The following ZNF521 variants were observed in gnomAD, a reference collection of about 807,000 sequenced individuals.
ZNF521 encodes zinc finger protein 521.
ZNF521 carries 14 observed loss-of-function variants against 105.5 expected under a neutral mutation model. The ratio of observed to expected loss-of-function variants is 0.13; its 90% CI spans 0.09 to 0.21. The LOEUF (loss-of-function observed/expected upper bound fraction) is 0.21, where lower values mean the gene tolerates loss of function less well. Ranked by LOEUF, ZNF521 falls within the 10% of genes least tolerant of loss-of-function variation. The pLI, the probability that ZNF521 is intolerant of heterozygous loss-of-function variation, is 1.00. For missense variants in ZNF521, 1,233 were observed against 1,629.7 expected (o/e 0.76, Z 4.19); for synonymous variants, 635 against 606.0 (o/e 1.05, Z -0.70).
At chr18:25,309,280 A>G (rs1912163460) in intron 3 of ZNF521, among the ~76,000 whole-genome samples, 1 of 152,248 alleles carries the variant, frequency 6.6e-6, no homozygotes, top group Middle Eastern at 3.2e-3. Flanking sequence ...TGCAGGCCAC[A>G]GAAGGTGATG....
chr18:25,101,541 A>G (rs1305318688), intron 5 of ZNF521, among the ~76,000 whole-genome samples: 1 of 152,214 alleles, frequency 6.6e-6, no homozygotes, highest in Non-Finnish European at 1.5e-5. Flanking sequence ...GAATCTTACT[A>G]TAAATAAATT....
chr18:25,229,746 C>A (rs1211548444), intron 3 of ZNF521, among the ~76,000 whole-genome samples: 1 of 152,028 alleles, frequency 6.6e-6, no homozygotes, highest in African/African-American at 2.4e-5. Flanking sequence ...GGCTTAAATC[C>A]TGCTATTTCA....
chr18:25,284,268 C>T (rs1341252546), intron 3 of ZNF521, among the ~76,000 whole-genome samples: 1 of 152,166 alleles, frequency 6.6e-6, no homozygotes, highest in African/African-American at 2.4e-5. Flanking sequence ...GACACTCCCA[C>T]CCTTGCCCTC....
At chr18:25,350,824 TCGCAGCCA>T (rs1914716507) in intron 2 of ZNF521, 75 bp downstream of exon 2, 1 of 1,478,246 alleles carries the variant, frequency 6.8e-7, no homozygotes, top group Non-Finnish European at 9.1e-7. Context: ...CGCACACGCC[TCGCAGCCA>T]CGCAGCCCTC....
chr18:25,340,831 C>T (rs1914158934), intron 2 of ZNF521, among the ~76,000 whole-genome samples: 1 of 152,108 alleles, frequency 6.6e-6, no homozygotes, highest in African/African-American at 2.4e-5. Flanking sequence ...TCTGCCAGCC[C>T]ATCACACTCA....
intron 2 of ZNF521, among the ~76,000 whole-genome samples, chr18:25,341,692 A>AT (rs1325425587): frequency 6.6e-6 from 1 of 152,196 alleles, no homozygotes; most frequent in Non-Finnish European, 1.5e-5. Flanking sequence ...TTTGAGACTC[A>AT]TTTTGTCTAA....
chr18:25,316,847 C>CTTT (rs200212987), intron 3 of ZNF521, among the ~76,000 whole-genome samples: 15 of 127,024 alleles, frequency 1.2e-4, no homozygotes, highest in African/African-American at 2.6e-4. Context: ...GCAAGTAAGA[C>CTTT]TTTTTTTTTT....
rs1912962987 is a variant in ZNF521 at position 25,322,114 on chromosome 18, C to T, written c.114G>A (p.Gly38=). The change falls in exon 3 of 8, where the codon GGG becomes GGA. Residue 38 remains glycine, a synonymous_variant. Coordinates refer to ENST00000361524, the MANE Select transcript of ZNF521 (RefSeq NM_015461.3). ...ALDCKKRPED[G]EELEDEAVHS... ...GCACAGCTTCGTCTTCCAACTCCTC[C>T]CCGTCTTCCGGCCTCTTCTTACAAT... 1 of 1,614,200 alleles carries T rather than the reference C, an allele frequency of 6.2e-7. No individual in the cohort carries two copies. Among genetic ancestry groups the T allele is most frequent in the Admixed American group, 1.7e-5 (1 of 60,022 alleles).
chr18:25,177,996 G>C (rs1267696903), intron 5 of ZNF521, among the ~76,000 whole-genome samples: 1 of 152,118 alleles, frequency 6.6e-6, no homozygotes, highest in African/African-American at 2.4e-5. Context: ...TAACATAAAA[G>C]AGTGTTCTTC....
chr18:25,327,340 C>T, intron 2 of ZNF521: 1 of 780,698 alleles, frequency 1.3e-6, no homozygotes, highest in Non-Finnish European at 1.6e-6. Flanking sequence ...AGGTTAACAA[C>T]CATCTTGTAC....
At chr18:25,296,932 G>T (rs1911348720) in intron 3 of ZNF521, among the ~76,000 whole-genome samples, 2 of 151,994 alleles carry the variant, frequency 1.3e-5, no homozygotes, top group South Asian at 4.2e-4. Flanking sequence ...TACATAGCTG[G>T]TACTCAATAA....
chr18:25,195,066 G>T (rs1336260281), intron 5 of ZNF521, 94 bp downstream of exon 5: 2 of 1,004,848 alleles, frequency 2.0e-6, no homozygotes, highest in Non-Finnish European at 2.9e-6. Flanking sequence ...AACAATGATG[G>T]TTGAACAATT....
intron 3 of ZNF521, among the ~76,000 whole-genome samples, chr18:25,289,452 G>T (rs1340290066): frequency 6.6e-6 from 1 of 151,892 alleles, no homozygotes; most frequent in African/African-American, 2.4e-5. Context: ...AGGCGAGCAC[G>T]AAGTCGGCTC....
In ZNF521 at chr18:25,230,041, A is replaced by T. The variant is rs548919422; in HGVS notation, c.221-2344T>A. Reference sequence around the variant, plus strand: ...CATGCCTGACTATATCTATTATATAACTGTTCTCTTAAGCTTGTAAATTTC... The same window carrying T: ...CATGCCTGACTATATCTATTATATATCTGTTCTCTTAAGCTTGTAAATTTC... On this transcript the variant is annotated intron_variant, in intron 3 of 7. Transcript: ENST00000361524. Among the ~76,000 whole-genome samples the T allele has an allele frequency of 2.8e-4, 42 of 152,310 alleles. 1 individual carries two copies. The South Asian group carries it at 8.7e-3, about 32-fold the overall frequency.
intron 3 of ZNF521, among the ~76,000 whole-genome samples, chr18:25,274,626 G>A (rs1735556954): frequency 6.6e-6 from 1 of 152,320 alleles, no homozygotes; most frequent in East Asian, 1.9e-4. Context: ...ATGTAACAAA[G>A]TTCAATATAG....
At chr18:25,098,663 G>C (rs2033903512) in intron 5 of ZNF521, among the ~76,000 whole-genome samples, 1 of 152,144 alleles carries the variant, frequency 6.6e-6, no homozygotes, top group African/African-American at 2.4e-5. Context: ...CTCCAGGTTT[G>C]ATTAGATATT....
At chr18:25,180,122 A>G (rs913588587) in intron 5 of ZNF521, among the ~76,000 whole-genome samples, 2 of 152,080 alleles carry the variant, frequency 1.3e-5, no homozygotes, top group Admixed American at 1.3e-4. Context: ...TTTTTTGCCC[A>G]TAAACAAACC....
At chr18:25,081,304 G>A (rs1235141028) in intron 7 of ZNF521, among the ~76,000 whole-genome samples, 1 of 152,186 alleles carries the variant, frequency 6.6e-6, no homozygotes, top group Non-Finnish European at 1.5e-5. Context: ...TGTTGGAGGA[G>A]GGAGCGAGTC....
intron 3 of ZNF521, among the ~76,000 whole-genome samples, chr18:25,234,584 C>G (rs554519963): frequency 1.4e-4 from 22 of 152,170 alleles, no homozygotes; most frequent in Non-Finnish European, 2.6e-4. Context: ...CCTGCCTCAA[C>G]ATATGAGGTA....
Sources: gnomAD v4.1 joint callset for allele counts (sites outside exome capture counted in the v4.1 genomes callset) on GRCh38, gnomAD v4.1.1 for gene constraint, MANE v1.5 for transcripts, NCBI Gene and HGNC (gene_info 2026-07-23, HGNC 2026-07-21) for gene names.